The following GPRC5B variants were observed in gnomAD, a reference collection of about 807,000 sequenced individuals.
GPRC5B encodes the protein G protein-coupled receptor class C group 5 member B.
GPRC5B carries 16 observed loss-of-function variants against 30.1 expected under a neutral mutation model. The ratio of observed to expected loss-of-function variants is 0.53; its 90% CI spans 0.36 to 0.81. The LOEUF (loss-of-function observed/expected upper bound fraction) is 0.81. Among genes scored for constraint, GPRC5B ranks in the 30% least tolerant of loss-of-function variants. The pLI is 0.01. For synonymous variants in GPRC5B, 241 were observed against 239.5 expected, an observed-to-expected ratio of 1.01 and a Z score of -0.06; for missense variants, 428 against 544.7, an observed-to-expected ratio of 0.79 and a Z score of 2.13.
chr16:19,858,562 T>C lies in GPRC5B; in HGVS notation c.*1938A>G. 1 of 684,974 alleles carries C rather than the reference T, an allele frequency of 1.5e-6. No individual in the cohort carries two copies. Among genetic ancestry groups the C allele is most frequent in the South Asian group, 1.6e-5 (1 of 64,382 alleles). 42.4% of individuals were successfully genotyped at this position (684,974 alleles called of 1,614,324 possible). On this transcript the variant is annotated 3_prime_UTR_variant, in exon 4 of 4. Transcript: ENST00000300571. The stretch of plus-strand genomic sequence containing the variant: ...AACCATTTCCTGGCACGAGAATGTG[T>C]AATGCTGTCGTTTTTTCACCGGACA...
chr16:19,861,760 T>G (rs1597622439), intron 3 of GPRC5B, 77 bp downstream of exon 3: 1 of 1,245,770 alleles, frequency 8.0e-7, no homozygotes, highest in African/African-American at 1.5e-5. Context: ...CATGGAGGAG[T>G]ATGTCCCTGT....
rs1174591302 is a variant in GPRC5B, at chr16:19,878,899, A to AACGCAG, written c.-2+5827_-2+5828insCTGCGT. On this transcript the variant is annotated intron_variant, in intron 1 of 3. Coordinates refer to ENST00000300571, the MANE Select transcript of GPRC5B (RefSeq NM_016235.3). ...CAACATCGCCCTGGAGCTCTTTAGAAATGCAGATTCTCAGGGCGTGGGTCC... is the reference window on the plus strand; with the variant it reads ...CAACATCGCCCTGGAGCTCTTTAGAAACGCAGATGCAGATTCTCAGGGCGTGGGTCC... Among the ~76,000 whole-genome samples, 509 of 152,256 alleles carry AACGCAG rather than the reference A, an allele frequency of 3.3e-3. 7 individuals carry two copies. Among genetic ancestry groups the AACGCAG allele is most frequent in the African/African-American group, 0.01 (429 of 41,544 alleles).
upstream of GPRC5B, chr16:19,885,083 C>G: frequency 1.3e-6 from 1 of 783,884 alleles, no homozygotes; most frequent in Non-Finnish European, 1.9e-6. The surrounding 1 kb of genome is among the most constrained non-coding windows in gnomAD (Gnocchi z 5.3). Context: ...CGACCTCGTG[C>G]CCCCAATTCG....
In GPRC5B at chr16:19,872,796, A is replaced by C; in HGVS notation, c.50T>G (p.Phe17Cys). 1.9e-6 allele frequency: 3 copies of C among 1,613,850 alleles called. No homozygotes were observed. Among genetic ancestry groups the C allele is most frequent in the Non-Finnish European group, 2.5e-6 (3 of 1,179,938 alleles). Residue 17 changes from phenylalanine to cysteine, a missense_variant, in exon 2 of 4, where the codon TTC becomes TGC. By Grantham distance (205) the Phe-to-Cys change is radical. Coordinates refer to ENST00000300571, the MANE Select transcript of GPRC5B (RefSeq NM_016235.3). The surrounding 1 kb of genome is among the most constrained non-coding windows in gnomAD (Gnocchi z 5.0). The part of the protein sequence containing the change: ...RKMRAHQVLT[F>C]LLLFVITSVA... ...CGAGGTGATCACGAAGAGCAGGAGG[A>C]AGGTGAGCACCTGGTGAGCTCTCAT...
At chr16:19,880,406 T>C (rs530575201) in intron 1 of GPRC5B, among the ~76,000 whole-genome samples, 3 of 120,320 alleles carry the variant, frequency 2.5e-5, no homozygotes, top group African/African-American at 6.4e-5. Context: ...CTGGGCAACA[T>C]AGCAAGACTC....
Position 19,877,080 on chromosome 16 carries a change from G to A in GPRC5B, c.-1-4234C>T, listed in dbSNP as rs75076616. Among the ~76,000 whole-genome samples, 368 of 152,302 alleles carry A rather than the reference G, an allele frequency of 2.4e-3. 15 individuals carry two copies. In the East Asian group the frequency reaches 0.059, roughly 25 times the overall value. On this transcript the variant is annotated intron_variant, in intron 1 of 3. Coordinates refer to ENST00000300571, the MANE Select transcript of GPRC5B (RefSeq NM_016235.3). ...GGGGTTGAAAAACTACAAGGATGGA[G>A]GCCTGAAGCTGGAGAACACACAGGG...
intron 2 of GPRC5B, 88 bp from the exon 3 acceptor site, chr16:19,862,061 G>A (rs1348307621): frequency 2.3e-6 from 3 of 1,278,056 alleles, no homozygotes; most frequent in Non-Finnish European, 1.1e-6. Flanking sequence ...CGCGCTCCGG[G>A]CACCCCCATC....
chr16:19,862,174 G>C (rs1049267240), intron 2 of GPRC5B: 1 of 560,344 alleles, frequency 1.8e-6, no homozygotes, highest in African/African-American at 1.9e-5. Flanking sequence ...ACCCATCTCA[G>C]TGGGTTTGGG....
intron 2 of GPRC5B, among the ~76,000 whole-genome samples, chr16:19,871,269 A>AT (rs1237996451): frequency 8.7e-6 from 1 of 115,150 alleles, no homozygotes; most frequent in African/African-American, 3.6e-5. Flanking sequence ...GCAACAGAAC[A>AT]AGACCCTGTC....
chr16:19,878,576 G>C (rs2141151646), intron 1 of GPRC5B, among the ~76,000 whole-genome samples: 1 of 152,240 alleles, frequency 6.6e-6, no homozygotes, highest in South Asian at 2.1e-4. Flanking sequence ...TTACAGGCGT[G>C]AGCCACCACA....
chr16:19,858,936 TG>T lies in GPRC5B; in HGVS notation c.*1563del, dbSNP rs930146167. 2.7e-5 allele frequency: 5 copies of T among 183,972 alleles called. No individual in the cohort carries two copies. Among genetic ancestry groups the T allele is most frequent in the African/African-American group, 1.2e-4 (5 of 42,758 alleles). The allele number at this position is 183,972 out of a possible 1,614,324, so 11.4% of individuals were successfully genotyped here. On this transcript the variant is annotated 3_prime_UTR_variant, in exon 4 of 4. Coordinates refer to ENST00000300571, the MANE Select transcript of GPRC5B (RefSeq NM_016235.3). ...TACTTTCCCCAGTGCTTTGCAAGGA[TG>T]GGGTGGGGAGGGGAGACAGCAGAGA... is the stretch of plus-strand genomic sequence containing the variant.
At chr16:19,875,334 G>A (rs753612108) in intron 1 of GPRC5B, among the ~76,000 whole-genome samples, 27 of 152,220 alleles carry the variant, frequency 1.8e-4, no homozygotes, top group Non-Finnish European at 2.9e-4. Context: ...GCACTTATTC[G>A]TGGTCCTGCC....
rs200345676 is a variant in GPRC5B, at chr16:19,872,299, G to T, written c.547C>A (p.Leu183Ile). 164 of 1,612,942 alleles carry T rather than the reference G, an allele frequency of 1.0e-4. 1 individual carries two copies. The East Asian group carries it at 2.8e-3, about 28-fold the overall frequency. Residue 183 changes from leucine (L) to isoleucine (I), a missense_variant, in exon 2 of 4, where the codon CTC becomes ATC. This residue lies in a region of GPRC5B where 196 missense variants were observed against 272.6 expected (regional missense o/e 0.72). Coordinates refer to ENST00000300571, the MANE Select transcript of GPRC5B (RefSeq NM_016235.3). This position sits in a 1 kb window ranked among gnomAD's most constrained non-coding sequence, Gnocchi z 5.0. ...QVIIAVEWLV[L>I]TVLRDTRPAC... ...GGCCTTGTGTCACGCAGCACGGTGA[G>T]CACCAGCCACTCCACAGCGATGATG...
At position 19,857,124 on chromosome 16, in the gene GPRC5B, T is replaced by C. The variant is rs1038637488; in HGVS notation, c.*3376A>G. The C allele has an allele frequency of 3.5e-5, 7 of 201,914 alleles. No individual in the cohort carries two copies. Among genetic ancestry groups the C allele is most frequent in the Admixed American group, 1.2e-4 (2 of 17,234 alleles). The allele number at this position is 201,914 out of a possible 1,614,324, so 12.5% of individuals were successfully genotyped here. A position where few individuals can be genotyped will look rare whatever the true frequency, so the allele number is the denominator to read the frequency against. On this transcript the variant is annotated 3_prime_UTR_variant, in exon 4 of 4. Transcript: ENST00000300571. ...TTTTTGTTGTCTAAGTCCCAAAGTA[T>C]TATATAGAAAGTTCCTGCTTTTATG...
upstream of GPRC5B, chr16:19,885,120 CG>C: frequency 1.0e-6 from 1 of 986,576 alleles, no homozygotes; most frequent in Non-Finnish European, 1.4e-6. This position sits in a 1 kb window ranked among gnomAD's most constrained non-coding sequence, Gnocchi z 5.3. Context: ...AACGTCAGTG[CG>C]CCCGTAAGCA....
At chr16:19,873,442 C>T (rs1026813488) in intron 1 of GPRC5B, among the ~76,000 whole-genome samples, 6 of 142,252 alleles carry the variant, frequency 4.2e-5, no homozygotes, top group East Asian at 2.1e-4. Flanking sequence ...CCAGCTTGGG[C>T]GACAGAGCTA....
At chr16:19,881,509 C>T (rs551697625) in intron 1 of GPRC5B, among the ~76,000 whole-genome samples, 1 of 151,588 alleles carries the variant, frequency 6.6e-6, no homozygotes, top group Admixed American at 6.6e-5. Flanking sequence ...TGGCCAGGCG[C>T]GGTGGCTCAT....
At chr16:19,864,443 C>A (rs1012878401) in intron 2 of GPRC5B, among the ~76,000 whole-genome samples, 2 of 152,232 alleles carry the variant, frequency 1.3e-5, no homozygotes, top group African/African-American at 4.8e-5. Context: ...TTATCACATA[C>A]CTTATGCCTT....
chr16:19,872,399 C>T lies in GPRC5B; in HGVS notation c.447G>A (p.Arg149=), dbSNP rs140345233. 11 of 1,613,378 alleles carry T rather than the reference C, an allele frequency of 6.8e-6. No homozygotes were observed. The highest frequency in any genetic ancestry group is 9.3e-6 in the Non-Finnish European group (11 of 1,179,748). The part of the protein sequence containing the change: ...CLLSQAWRVR[R]LVRHGTGPAG... ...CGGGGCCCGTGCCATGCCGCACCAG[C>T]CTCCGCACGCGCCATGCCTGGCTCA... Residue 149 remains arginine, a synonymous_variant, in exon 2 of 4, where the codon AGG becomes AGA. Coordinates refer to ENST00000300571, the MANE Select transcript of GPRC5B (RefSeq NM_016235.3). The surrounding 1 kb of genome is among the most constrained non-coding windows in gnomAD (Gnocchi z 5.0).
Sources: allele counts gnomAD v4.1 joint callset (sites outside exome capture counted in the v4.1 genomes callset), GRCh38; gene constraint gnomAD v4.1.1; regional missense constraint gnomAD v4.1.1; non-coding constraint Gnocchi (gnomAD v3.1); transcripts MANE v1.5; gene names NCBI Gene and HGNC (gene_info 2026-07-23, HGNC 2026-07-21).